CHST11: variants seen among roughly 807,000 people sequenced by gnomAD.
CHST11 encodes C4S-1.
In CHST11, 9 loss-of-function variants were observed where a neutral mutation model predicts 30.4. The observed-to-expected ratio is 0.30, with a 90% confidence interval of 0.18 to 0.52. The LOEUF is 0.52. Among genes scored for constraint, CHST11 ranks in the 20% least tolerant of loss-of-function variants. The pLI is 0.97. For missense variants in CHST11, 348 were observed against 460.6 expected, an observed-to-expected ratio of 0.76 and a Z score of 2.24; for synonymous variants, 152 against 187.8, an observed-to-expected ratio of 0.81 and a Z score of 1.56.
chr12:104,632,301 G>A (rs1408443985), intron 2 of CHST11, among the ~76,000 whole-genome samples: 1 of 152,178 alleles, frequency 6.6e-6, no homozygotes, highest in Admixed American at 6.5e-5. Context: ...CTTCCATTTA[G>A]TTTGCAGGAG....
chr12:104,734,320 G>A (rs1485543712), intron 2 of CHST11, among the ~76,000 whole-genome samples: 1 of 152,190 alleles, frequency 6.6e-6, no homozygotes, highest in Non-Finnish European at 1.5e-5. Context: ...AAAGATGGTT[G>A]GCCTCAGGAT....
chr12:104,474,883 G>A (rs929355311), intron 1 of CHST11, among the ~76,000 whole-genome samples: 5 of 152,196 alleles, frequency 3.3e-5, no homozygotes, highest in African/African-American at 9.7e-5. Context: ...CATGGGGGAA[G>A]GTCCTTGGAC....
In CHST11 at chr12:104,513,829, T is replaced by G. The variant is rs1048845946; in HGVS notation, c.118+56300T>G. Among the ~76,000 whole-genome samples the G allele has an allele frequency of 4.6e-5, 7 of 152,234 alleles. No homozygotes were observed. The South Asian group carries it at 1.4e-3, about 32-fold the overall frequency. On this transcript the variant is annotated intron_variant, in intron 1 of 2. Coordinates refer to ENST00000303694, the MANE Select transcript of CHST11 (RefSeq NM_018413.6). ...ATTGGCAAGGTTTCGAGACAGTCCC[T>G]TAAGTGCAGGAAGAATTCTGGCAGT...
chr12:104,619,671 G>A (rs552057503), intron 2 of CHST11, among the ~76,000 whole-genome samples: 1 of 152,226 alleles, frequency 6.6e-6, no homozygotes, highest in East Asian at 1.9e-4. Context: ...GCTGGAGTGG[G>A]GGCTGCTTAT....
chr12:104,489,545 C>T (rs1405854841), intron 1 of CHST11, among the ~76,000 whole-genome samples: 1 of 152,106 alleles, frequency 6.6e-6, no homozygotes, highest in Non-Finnish European at 1.5e-5. Flanking sequence ...GTGGCACGAT[C>T]TTGGCTCACT....
intron 2 of CHST11, among the ~76,000 whole-genome samples, chr12:104,605,722 A>G (rs981656747): frequency 6.6e-6 from 1 of 152,242 alleles, no homozygotes; most frequent in Admixed American, 6.5e-5. Context: ...GCTGGAATCA[A>G]GTCACCGAAA....
At chr12:104,538,956 A>G (rs2038263098) in intron 1 of CHST11, among the ~76,000 whole-genome samples, 1 of 152,196 alleles carries the variant, frequency 6.6e-6, no homozygotes, top group Admixed American at 6.5e-5. Flanking sequence ...CCACACGACA[A>G]TCCTATAAAG....
chr12:104,480,872 T>C (rs1203230762), intron 1 of CHST11, among the ~76,000 whole-genome samples: 1 of 152,160 alleles, frequency 6.6e-6, no homozygotes, highest in Non-Finnish European at 1.5e-5. Flanking sequence ...AAGGAATACA[T>C]TTCTATTGTA....
At chr12:104,527,909 A>G (rs2038144290) in intron 1 of CHST11, among the ~76,000 whole-genome samples, 2 of 152,212 alleles carry the variant, frequency 1.3e-5, no homozygotes, top group Admixed American at 1.3e-4. Context: ...GGGAGGAAGT[A>G]CCACACTTTA....
intron 2 of CHST11, among the ~76,000 whole-genome samples, chr12:104,752,534 T>TTATG (rs368137410): frequency 8.1e-6 from 1 of 122,804 alleles, no homozygotes; most frequent in East Asian, 2.1e-4. Context: ...ATTTATTTAT[T>TTATG]TATGTATTTT....
intron 1 of CHST11, among the ~76,000 whole-genome samples, chr12:104,544,571 A>C (rs926500361): frequency 6.6e-6 from 1 of 151,906 alleles, no homozygotes; most frequent in Non-Finnish European, 1.5e-5. Context: ...GCTGGGTGTC[A>C]TGGCAGACAC....
At chr12:104,584,202 T>A (rs189263620) in intron 1 of CHST11, among the ~76,000 whole-genome samples, 5 of 152,250 alleles carry the variant, frequency 3.3e-5, no homozygotes, top group African/African-American at 4.8e-5. Context: ...TACTATACAA[T>A]GTGAAAGAAA....
At chr12:104,706,063 G>A (rs1219283948) in intron 2 of CHST11, among the ~76,000 whole-genome samples, 1 of 151,934 alleles carries the variant, frequency 6.6e-6, no homozygotes, top group Non-Finnish European at 1.5e-5. Context: ...TCCAGCTGGG[G>A]AGACAGAATG....
At chr12:104,754,279 T>G (rs1413294443) in intron 2 of CHST11, among the ~76,000 whole-genome samples, 1 of 152,210 alleles carries the variant, frequency 6.6e-6, no homozygotes, top group African/African-American at 2.4e-5. Flanking sequence ...TTGCAGTTAT[T>G]TATTGCTGGG....
At chr12:104,473,931 CACCACCACCGCG>C (rs1187119897) in intron 1 of CHST11, among the ~76,000 whole-genome samples, 1 of 151,988 alleles carries the variant, frequency 6.6e-6, no homozygotes, top group African/African-American at 2.4e-5. Flanking sequence ...CCACCACCAC[CACCACCACCGCG>C]ACCACTACAA....
intron 2 of CHST11, among the ~76,000 whole-genome samples, chr12:104,756,532 G>GGGGTGTGTGTGTGT (rs1555250374): frequency 0.017 from 2,485 of 143,380 alleles, 83 homozygotes; most frequent in East Asian, 0.14. Flanking sequence ...ATCCATGTGG[G>GGGGTGTGTGTGTGT]GTGTGTGTGT....
chr12:104,566,427 C>T (rs2038567757), intron 1 of CHST11, among the ~76,000 whole-genome samples: 1 of 152,176 alleles, frequency 6.6e-6, no homozygotes, highest in African/African-American at 2.4e-5. Flanking sequence ...TAATTTTAGA[C>T]TCACACAGGA....
At chr12:104,605,149 C>G in intron 2 of CHST11, among the ~76,000 whole-genome samples, 1 of 73,142 alleles carries the variant, frequency 1.4e-5, no homozygotes, top group Non-Finnish European at 2.6e-5. Context: ...CCCATCCCCT[C>G]TCCAAAAAAA....
chr12:104,557,434 T>C (rs1351945907), intron 1 of CHST11, among the ~76,000 whole-genome samples: 2 of 151,268 alleles, frequency 1.3e-5, no homozygotes, highest in Non-Finnish European at 2.9e-5. Context: ...AGTGGAGGTG[T>C]GTATGGTCAG....
Sources: allele counts gnomAD v4.1 joint callset (sites outside exome capture counted in the v4.1 genomes callset), GRCh38; gene constraint gnomAD v4.1.1; transcripts MANE v1.5; gene names NCBI Gene and HGNC (gene_info 2026-07-23, HGNC 2026-07-21).